The following NPAS2 variants were observed in gnomAD, a reference collection of about 807,000 sequenced individuals.
NPAS2 encodes the protein neuronal PAS domain protein 2.
NPAS2 carries 23 observed loss-of-function variants against 107.5 expected under a neutral mutation model. That is an observed-to-expected ratio of 0.21 (90% CI 0.15 to 0.30). The LOEUF is 0.30. Among genes scored for constraint, NPAS2 ranks in the 10% least tolerant of loss-of-function variants. The pLI is 1.00. For missense variants in NPAS2, 756 were observed against 1,043.3 expected (o/e 0.72, Z 3.79); for synonymous variants, 403 against 417.5 (o/e 0.97, Z 0.42).
At chr2:100,899,301 G>A (rs565291807) in intron 1 of NPAS2, among the ~76,000 whole-genome samples, 1 of 149,700 alleles carries the variant, frequency 6.7e-6, no homozygotes, top group East Asian at 2.0e-4. Context: ...ACGGTGCACT[G>A]CAACCTCTGC....
At chr2:100,880,048 C>A (rs532222165) in intron 1 of NPAS2, among the ~76,000 whole-genome samples, 4 of 152,176 alleles carry the variant, frequency 2.6e-5, no homozygotes. Flanking sequence ...TCACTCTGCT[C>A]CAATATCTGA....
chr2:100,832,403 GCTC>G (rs1676800483), intron 1 of NPAS2, among the ~76,000 whole-genome samples: 1 of 152,174 alleles, frequency 6.6e-6, no homozygotes, highest in South Asian at 2.1e-4. Context: ...GCAATTGTTG[GCTC>G]CTCCTCAGCC....
chr2:100,961,310 G>A (rs759673458), intron 7 of NPAS2, among the ~76,000 whole-genome samples: 4 of 152,188 alleles, frequency 2.6e-5, no homozygotes, highest in Non-Finnish European at 5.9e-5. Context: ...GCAGGAAAAA[G>A]TTATTTCAAA....
At chr2:100,973,641 G>A (rs947398563) in intron 12 of NPAS2, among the ~76,000 whole-genome samples, 5 of 152,072 alleles carry the variant, frequency 3.3e-5, no homozygotes, top group African/African-American at 9.7e-5. Flanking sequence ...CACTGCAGCC[G>A]TGACACAAAA....
intron 11 of NPAS2, 67 bp from the exon 12 acceptor site, chr2:100,970,923 G>C (rs1363042440): frequency 2.1e-6 from 3 of 1,412,166 alleles, no homozygotes; most frequent in Non-Finnish European, 3.0e-6. Context: ...CTTGCTGTCT[G>C]TTCAGGTGGT....
rs76245529 is a variant in NPAS2 at position 100,874,994 on chromosome 2, A to T, written c.-22-29739A>T. 4.7e-3 allele frequency among the ~76,000 whole-genome samples: 710 copies of T among 152,324 alleles called. 3 individuals are homozygous for T. Among genetic ancestry groups the T allele is most frequent in the African/African-American group, 0.016 (666 of 41,562 alleles). ...TTAAGTTTCTATTTATTGAAAATGAATGTGGAATCCAAGACATACAACAGG... is the reference window on the plus strand; with the variant it reads ...TTAAGTTTCTATTTATTGAAAATGATTGTGGAATCCAAGACATACAACAGG... On this transcript the variant is annotated intron_variant, in intron 1 of 20. Transcript: ENST00000335681.
chr2:100,830,332 T>C (rs1196509390), intron 1 of NPAS2, among the ~76,000 whole-genome samples: 1 of 152,230 alleles, frequency 6.6e-6, no homozygotes, highest in East Asian at 1.9e-4. Context: ...CTTTTTATTT[T>C]ATTTTTATAC....
At chr2:100,892,450 C>T (rs886541729) in intron 1 of NPAS2, among the ~76,000 whole-genome samples, 13 of 151,854 alleles carry the variant, frequency 8.6e-5, no homozygotes, top group Admixed American at 3.3e-4. Flanking sequence ...GTAGCGTTTG[C>T]GTATGGTCAC....
chr2:100,969,742 C>T (rs560520374), intron 11 of NPAS2, among the ~76,000 whole-genome samples: 123 of 152,130 alleles, frequency 8.1e-4, no homozygotes, highest in African/African-American at 2.4e-3. Context: ...TTGGCTATAC[C>T]GTATAGTGTA....
intron 1 of NPAS2, among the ~76,000 whole-genome samples, chr2:100,872,842 C>A (rs1259233339): frequency 6.6e-6 from 1 of 152,098 alleles, no homozygotes; most frequent in Admixed American, 6.6e-5. Flanking sequence ...GATCCCTAAC[C>A]CCCTACCACC....
At chr2:100,924,909 G>A (rs1228832625) in intron 2 of NPAS2, among the ~76,000 whole-genome samples, 2 of 152,198 alleles carry the variant, frequency 1.3e-5, no homozygotes, top group Non-Finnish European at 2.9e-5. Flanking sequence ...GTCAGATTTT[G>A]CGTCTGAGTC....
intron 1 of NPAS2, among the ~76,000 whole-genome samples, chr2:100,860,564 G>A (rs1310135666): frequency 6.6e-6 from 1 of 152,156 alleles, no homozygotes; most frequent in Non-Finnish European, 1.5e-5. Flanking sequence ...CAAATGGTAA[G>A]TTTCTAATTC....
At chr2:100,932,843 CT>C (rs1349446060) in intron 3 of NPAS2, 66 bp from the exon 4 acceptor site, 1 of 1,077,934 alleles carries the variant, frequency 9.3e-7, no homozygotes, top group East Asian at 2.4e-5. Context: ...GTAACATGTG[CT>C]TCATTTGTTA....
chr2:100,954,597 G>A (rs1467645773), intron 7 of NPAS2, among the ~76,000 whole-genome samples: 2 of 150,876 alleles, frequency 1.3e-5, no homozygotes, highest in African/African-American at 2.4e-5. Context: ...TCTGGGAGGC[G>A]GAGGTTGCAG....
intron 1 of NPAS2, among the ~76,000 whole-genome samples, chr2:100,833,610 C>CA (rs1315337797): frequency 6.6e-6 from 1 of 152,204 alleles, no homozygotes; most frequent in Admixed American, 6.5e-5. Context: ...CTTGGGGCTG[C>CA]ACAGTGTGCT....
intron 2 of NPAS2, among the ~76,000 whole-genome samples, chr2:100,915,110 AT>A: frequency 6.6e-6 from 1 of 152,306 alleles, no homozygotes; most frequent in South Asian, 2.1e-4. Context: ...ATTTCCTTGC[AT>A]CCCAGAAGCA....
At chr2:100,927,267 CA>C (rs1683639641) in intron 3 of NPAS2, among the ~76,000 whole-genome samples, 1 of 152,148 alleles carries the variant, frequency 6.6e-6, no homozygotes, top group South Asian at 2.1e-4. Context: ...GTAGGTTAAG[CA>C]TAGATATTTG....
intron 1 of NPAS2, among the ~76,000 whole-genome samples, chr2:100,858,226 AG>A (rs1343043570): frequency 6.6e-6 from 1 of 152,172 alleles, no homozygotes; most frequent in Admixed American, 6.5e-5. Flanking sequence ...CTCTGTCTTC[AG>A]GGATGAGGAT....
rs546042363 is a variant in NPAS2 at position 100,856,256 on chromosome 2, A to C, written c.-23+35842A>C. 5.9e-4 allele frequency among the ~76,000 whole-genome samples: 90 copies of C among 152,354 alleles called. 1 individual carries two copies. The highest frequency in any genetic ancestry group is 2.0e-3 in the African/African-American group (85 of 41,590). ...TTAGGATTTAAGTGTCACGTGTTTA[A>C]TTCTGCTTGCTAATTAGTAGCCTTT... On this transcript the variant is annotated intron_variant, in intron 1 of 20. Transcript: ENST00000335681.
Sources: allele counts gnomAD v4.1 joint callset (sites outside exome capture counted in the v4.1 genomes callset), GRCh38; gene constraint gnomAD v4.1.1; transcripts MANE v1.5; gene names NCBI Gene and HGNC (gene_info 2026-07-23, HGNC 2026-07-21).